The following SUSD1 variants were observed in gnomAD, a reference collection of about 807,000 sequenced individuals.
SUSD1 encodes sushi domain containing 1.
A neutral mutation model predicts 86.9 loss-of-function variants in SUSD1; 65 were observed. That is an observed-to-expected ratio of 0.75 (90% confidence interval 0.61 to 0.92). The LOEUF (loss-of-function observed/expected upper bound fraction) is 0.92, where lower values mean the gene tolerates loss of function less well. SUSD1 is among the 40% of genes least tolerant of loss of function. The pLI, the probability that SUSD1 is intolerant of heterozygous loss-of-function variation, is 0.00. For missense variants in SUSD1, 850 were observed against 929.7 expected, an observed-to-expected ratio of 0.91 and a Z score of 1.11; for synonymous variants, 346 against 350.0, an observed-to-expected ratio of 0.99 and a Z score of 0.13.
chr9:112,139,889 G>C (rs1478622839), intron 5 of SUSD1, among the ~76,000 whole-genome samples: 1 of 151,828 alleles, frequency 6.6e-6, no homozygotes, highest in African/African-American at 2.4e-5. Context: ...TCACTTTTCA[G>C]ATGGAAACAG....
At chr9:112,059,412 G>A (rs1197745704) in intron 13 of SUSD1, among the ~76,000 whole-genome samples, 2 of 152,194 alleles carry the variant, frequency 1.3e-5, no homozygotes, top group Non-Finnish European at 1.5e-5. Context: ...CATGGAGACC[G>A]AGTGCCTACC....
At chr9:112,105,220 CTTG>C (rs1486258223) in intron 8 of SUSD1, among the ~76,000 whole-genome samples, 1 of 151,850 alleles carries the variant, frequency 6.6e-6, no homozygotes, top group African/African-American at 2.4e-5. Flanking sequence ...AGAGAACAAA[CTTG>C]TTATATATTC....
chr9:112,078,786 A>G, intron 11 of SUSD1, 62 bp from the exon 12 acceptor site: 1 of 1,284,230 alleles, frequency 7.8e-7, no homozygotes, highest in Non-Finnish European at 1.1e-6. Context: ...ATGCCTTGAA[A>G]CCTCCCCTTT....
At position 112,113,058 on chromosome 9, in the gene SUSD1, G is replaced by A. The variant is rs1021121864; in HGVS notation, c.887-190C>T. 5.3e-5 allele frequency among the ~76,000 whole-genome samples: 8 copies of A among 152,136 alleles called. No individual in the cohort carries two copies. The highest frequency in any genetic ancestry group is 8.8e-5 in the Non-Finnish European group (6 of 68,022). On this transcript the variant is annotated intron_variant, in intron 6 of 16. Coordinates refer to ENST00000374270, the MANE Select transcript of SUSD1 (RefSeq NM_022486.5). This position sits in a 1 kb window ranked among gnomAD's most constrained non-coding sequence, Gnocchi z 4.1. ...CAACTTCTCTTCATCATGAATGAGC[G>A]TGGCCCATTACCTGACTTAGAGGGA... is the stretch of plus-strand genomic sequence containing the variant.
intron 5 of SUSD1, among the ~76,000 whole-genome samples, chr9:112,135,055 A>G (rs931218859): frequency 6.8e-6 from 1 of 147,128 alleles, no homozygotes; most frequent in Non-Finnish European, 1.5e-5. Flanking sequence ...AACAAGAGCA[A>G]ACTGTCTCAA....
At chr9:112,066,721 C>T (rs769656906) in intron 12 of SUSD1, among the ~76,000 whole-genome samples, 1 of 152,058 alleles carries the variant, frequency 6.6e-6, no homozygotes. Flanking sequence ...GGAGAGCGGC[C>T]CTTCTCCTTC....
At chr9:112,165,812 G>A (rs1399278648) in intron 1 of SUSD1, among the ~76,000 whole-genome samples, 1 of 117,608 alleles carries the variant, frequency 8.5e-6, no homozygotes, top group Non-Finnish European at 2.0e-5. Flanking sequence ...AAGAGAGAGA[G>A]AGAAAAAGAA....
intron 9 of SUSD1, 68 bp downstream of exon 9, chr9:112,102,108 T>C: frequency 1.3e-6 from 1 of 798,036 alleles, no homozygotes; most frequent in Non-Finnish European, 2.0e-6. Flanking sequence ...TTTGGATACT[T>C]ACTTGGAGAT....
chr9:112,058,491 A>T lies in SUSD1; in HGVS notation c.2046T>A (p.Asn682Lys). 6.2e-7 allele frequency: 1 copy of T among 1,614,174 alleles called. No homozygotes were observed. Residue 682 changes from asparagine (N) to lysine (K), a missense_variant, in exon 14 of 17, where the codon AAT becomes AAA. Coordinates refer to ENST00000374270, the MANE Select transcript of SUSD1 (RefSeq NM_022486.5). ...AATCACTCCCTCTTTTCAAGGGTGC[A>T]TTATAATATTCCCCATAGTACAGCC... ...GDRLYYGEYY[N>K]APLKRGSDYC...
At chr9:112,072,677 C>G (rs951762082) in intron 12 of SUSD1, among the ~76,000 whole-genome samples, 5 of 152,140 alleles carry the variant, frequency 3.3e-5, no homozygotes, top group African/African-American at 1.2e-4. Flanking sequence ...TACTTGGGGG[C>G]TTGGGGTTTG....
At chr9:112,166,067 G>T (rs1379602212) in intron 1 of SUSD1, among the ~76,000 whole-genome samples, 2 of 152,168 alleles carry the variant, frequency 1.3e-5, no homozygotes, top group Non-Finnish European at 2.9e-5. Context: ...ATACATGTTT[G>T]TTCCCCACAC....
chr9:112,077,651 C>T (rs970840333), intron 12 of SUSD1, among the ~76,000 whole-genome samples: 17 of 151,156 alleles, frequency 1.1e-4, no homozygotes, highest in Admixed American at 8.6e-4. Context: ...ATTACAGGCA[C>T]CTGACACCAC....
intron 12 of SUSD1, among the ~76,000 whole-genome samples, chr9:112,066,643 G>T (rs1191729685): frequency 6.6e-6 from 1 of 152,166 alleles, no homozygotes; most frequent in East Asian, 1.9e-4. Flanking sequence ...GATTCTCCGA[G>T]TCCGTACGTG....
intron 15 of SUSD1, among the ~76,000 whole-genome samples, chr9:112,044,588 A>G (rs1176343946): frequency 6.6e-6 from 1 of 152,254 alleles, no homozygotes; most frequent in Non-Finnish European, 1.5e-5. Flanking sequence ...TTTCATAACC[A>G]GTGCTGAGAA....
intron 5 of SUSD1, among the ~76,000 whole-genome samples, chr9:112,137,271 G>GAGA (rs1026506000): frequency 6.6e-6 from 1 of 152,152 alleles, no homozygotes; most frequent in African/African-American, 2.4e-5. Flanking sequence ...AGGGGAGGAG[G>GAGA]AGGAGGAGGA....
intron 13 of SUSD1, among the ~76,000 whole-genome samples, 176 bp downstream of exon 13, chr9:112,062,761 C>T (rs1443971875): frequency 1.3e-5 from 2 of 152,018 alleles, no homozygotes; most frequent in Non-Finnish European, 2.9e-5. Context: ...AGAAAGGATG[C>T]TGGTTGGGAT....
chr9:112,094,255 A>G (rs1275976158), intron 10 of SUSD1, among the ~76,000 whole-genome samples: 1 of 152,238 alleles, frequency 6.6e-6, no homozygotes, highest in Non-Finnish European at 1.5e-5. Flanking sequence ...GGAGCTAGAT[A>G]TTAGTAGACA....
chr9:112,123,013 T>C (rs1189086824), intron 6 of SUSD1, among the ~76,000 whole-genome samples: 1 of 152,166 alleles, frequency 6.6e-6, no homozygotes, highest in Non-Finnish European at 1.5e-5. Context: ...TTTTGCAAGA[T>C]GAAAAAGTTC....
At chr9:112,077,725 G>A (rs1477525557) in intron 12 of SUSD1, among the ~76,000 whole-genome samples, 5 of 151,562 alleles carry the variant, frequency 3.3e-5, no homozygotes, top group African/African-American at 9.7e-5. Context: ...GGCTGATCTC[G>A]AAATGATCCT....
Sources: allele counts gnomAD v4.1 joint callset (sites outside exome capture counted in the v4.1 genomes callset), GRCh38; gene constraint gnomAD v4.1.1; non-coding constraint Gnocchi (gnomAD v3.1); transcripts MANE v1.5; gene names NCBI Gene and HGNC (gene_info 2026-07-23, HGNC 2026-07-21).